The following ADCY2 variants were observed in gnomAD, a reference collection of about 807,000 sequenced individuals.
The protein encoded by ADCY2 is adenylate cyclase type 2.
ADCY2 carries 31 observed loss-of-function variants against 125.2 expected under a neutral mutation model. That is an observed-to-expected ratio of 0.25 (90% CI 0.19 to 0.33). ADCY2 has a LOEUF of 0.33. Among genes scored for constraint, ADCY2 ranks in the 10% least tolerant of loss-of-function variants. The pLI is 1.00. For synonymous variants in ADCY2, 512 were observed against 548.4 expected, an observed-to-expected ratio of 0.93 and a Z score of 0.93; for missense variants, 904 against 1,418.2, an observed-to-expected ratio of 0.64 and a Z score of 5.82.
chr5:7,705,059 C>G (rs951074903), intron 7 of ADCY2, among the ~76,000 whole-genome samples: 1 of 152,138 alleles, frequency 6.6e-6, no homozygotes, highest in Non-Finnish European at 1.5e-5. Flanking sequence ...CCTTCCTTGG[C>G]TCTCTGCTGG....
chr5:7,620,772 C>A (rs1448400484), intron 3 of ADCY2, among the ~76,000 whole-genome samples: 1 of 152,114 alleles, frequency 6.6e-6, no homozygotes, highest in Admixed American at 6.5e-5. Context: ...CCTTGTCTTC[C>A]CTTTTATTTT....
intron 1 of ADCY2, 104 bp from the exon 2 acceptor site, chr5:7,414,468 AT>A (rs1739857338): frequency 1.0e-6 from 1 of 961,444 alleles, no homozygotes; most frequent in African/African-American, 1.7e-5. Flanking sequence ...TAAACCCAAT[AT>A]ATTCTGACAT....
intron 3 of ADCY2, among the ~76,000 whole-genome samples, chr5:7,585,318 GA>G (rs1265485083): frequency 6.6e-6 from 1 of 152,092 alleles, no homozygotes; most frequent in Admixed American, 6.6e-5. Context: ...TGTGTATGTG[GA>G]AATCCATTCC....
chr5:7,711,213 A>T (rs1189701954), intron 10 of ADCY2, among the ~76,000 whole-genome samples: 1 of 152,134 alleles, frequency 6.6e-6, no homozygotes, highest in Non-Finnish European at 1.5e-5. Context: ...GAAGAGAACA[A>T]TCCAAGGTGG....
At position 7,669,712 on chromosome 5, in the gene ADCY2, G is replaced by A. The variant is rs117083420; in HGVS notation, c.721-20979G>A. ...TTTATTATCAGTGTGTACGTGCACAGGGTTTTCTTCCAGTCCATCAATCCT... is the reference window on the plus strand; with the variant it reads ...TTTATTATCAGTGTGTACGTGCACAAGGTTTTCTTCCAGTCCATCAATCCT... On this transcript the variant is annotated intron_variant, in intron 4 of 24. Transcript: ENST00000338316. Among the ~76,000 whole-genome samples the A allele has an allele frequency of 2.6e-4, 39 of 152,332 alleles. No homozygotes were observed. In the East Asian group the frequency reaches 7.1e-3, roughly 28 times the overall value.
chr5:7,724,114 C>CACAAAAA (rs1741857759), intron 12 of ADCY2, among the ~76,000 whole-genome samples: 1 of 76,562 alleles, frequency 1.3e-5, no homozygotes, highest in East Asian at 4.6e-4. Context: ...TAGAAGCTAA[C>CACAAAAA]AAAAAAAAAA....
intron 4 of ADCY2, among the ~76,000 whole-genome samples, chr5:7,626,820 C>T (rs1259833201): frequency 3.3e-5 from 5 of 152,082 alleles, no homozygotes; most frequent in African/African-American, 1.2e-4. Flanking sequence ...CCAGGCCTCA[C>T]CTCCAACACT....
intron 20 of ADCY2, among the ~76,000 whole-genome samples, chr5:7,790,740 A>C (rs1744226359): frequency 6.6e-6 from 1 of 152,202 alleles, no homozygotes; most frequent in Admixed American, 6.5e-5. Context: ...GCTTTTCCCA[A>C]AGAGAGTTTT....
intron 2 of ADCY2, among the ~76,000 whole-genome samples, chr5:7,442,763 T>C (rs1741061972): frequency 6.6e-6 from 1 of 152,184 alleles, no homozygotes; most frequent in African/African-American, 2.4e-5. Context: ...AATAGGAAAA[T>C]AGGAATAAAT....
intron 7 of ADCY2, among the ~76,000 whole-genome samples, chr5:7,700,615 C>G (rs1314953611): frequency 6.6e-6 from 1 of 151,664 alleles, no homozygotes; most frequent in Non-Finnish European, 1.5e-5. Context: ...GTCCTGTTGT[C>G]ACTGTGTTGG....
At chr5:7,411,436 T>G (rs1000030822) in intron 1 of ADCY2, among the ~76,000 whole-genome samples, 2 of 152,102 alleles carry the variant, frequency 1.3e-5, no homozygotes, top group Non-Finnish European at 2.9e-5. Context: ...ACTTCAGAGG[T>G]CAAAGTCCTC....
chr5:7,417,969 T>C (rs1215091645), intron 2 of ADCY2, among the ~76,000 whole-genome samples: 1 of 152,224 alleles, frequency 6.6e-6, no homozygotes, highest in South Asian at 2.1e-4. Flanking sequence ...TTGTTATTGT[T>C]TGTATTTTAA....
chr5:7,408,530 G>C (rs1739588863), intron 1 of ADCY2, among the ~76,000 whole-genome samples: 2 of 151,660 alleles, frequency 1.3e-5, no homozygotes, highest in Non-Finnish European at 2.9e-5. Context: ...ACCATGCCTG[G>C]CTAATTTTTG....
chr5:7,522,434 A>G (rs2126534688), intron 3 of ADCY2: 1 of 152,274 alleles, frequency 6.6e-6, no homozygotes, highest in African/African-American at 2.4e-5. Context: ...TCCTGTGGAT[A>G]CAATCTCTAC....
intron 4 of ADCY2, among the ~76,000 whole-genome samples, chr5:7,657,643 CT>C (rs1362538463): frequency 6.6e-6 from 1 of 152,104 alleles, no homozygotes; most frequent in Admixed American, 6.5e-5. Flanking sequence ...TAGGGGTATG[CT>C]CTTTCATTCT....
At chr5:7,790,588 T>C (rs1744222017) in intron 20 of ADCY2, among the ~76,000 whole-genome samples, 1 of 152,250 alleles carries the variant, frequency 6.6e-6, no homozygotes, top group Non-Finnish European at 1.5e-5. Context: ...CGCTCATTTC[T>C]GTGGTGTTTC....
chr5:7,597,353 G>C (rs181300747), intron 3 of ADCY2, among the ~76,000 whole-genome samples: 132 of 152,358 alleles, frequency 8.7e-4, no homozygotes, highest in African/African-American at 2.9e-3. Context: ...GCTGGGTCCA[G>C]AGGCCCCCTC....
At chr5:7,515,689 T>A (rs973733640) in intron 2 of ADCY2, among the ~76,000 whole-genome samples, 1 of 152,194 alleles carries the variant, frequency 6.6e-6, no homozygotes, top group Non-Finnish European at 1.5e-5. Flanking sequence ...GAGGTGGTCA[T>A]GGCTTGGTTC....
chr5:7,778,341 C>T (rs1560983426), intron 18 of ADCY2, among the ~76,000 whole-genome samples: 1 of 152,166 alleles, frequency 6.6e-6, no homozygotes, highest in Non-Finnish European at 1.5e-5. Context: ...CACCTGGAGG[C>T]TAGAAATCTA....
Sources: allele counts gnomAD v4.1 joint callset (sites outside exome capture counted in the v4.1 genomes callset), GRCh38; gene constraint gnomAD v4.1.1; transcripts MANE v1.5; gene names NCBI Gene and HGNC (gene_info 2026-07-23, HGNC 2026-07-21).